The following ZFAND3 variants were observed in gnomAD, a reference collection of about 807,000 sequenced individuals.
The protein encoded by ZFAND3 is AN1-type zinc finger protein 3.
Under a neutral mutation model 29.6 loss-of-function variants are expected in ZFAND3, and 10 were observed. The observed-to-expected ratio is 0.34, with a 90% CI of 0.21 to 0.57. The LOEUF (loss-of-function observed/expected upper bound fraction) is 0.57. ZFAND3 is among the 20% of genes least tolerant of loss of function. The pLI is 0.86. For missense variants in ZFAND3, 230 were observed against 304.5 expected, an observed-to-expected ratio of 0.76 and a Z score of 1.82; for synonymous variants, 128 against 112.6, an observed-to-expected ratio of 1.14 and a Z score of -0.87.
chr6:38,079,384 A>G (rs1192642366), intron 3 of ZFAND3, among the ~76,000 whole-genome samples: 1 of 152,214 alleles, frequency 6.6e-6, no homozygotes, highest in Non-Finnish European at 1.5e-5. Flanking sequence ...CACCTTCATG[A>G]TGATGCATGT....
At chr6:38,032,751 T>C (rs1316290413) in intron 2 of ZFAND3, among the ~76,000 whole-genome samples, 1 of 152,340 alleles carries the variant, frequency 6.6e-6, no homozygotes. Context: ...TTAGCTGAAG[T>C]TGTGCCTGCA....
At chr6:37,957,405 G>A (rs992195530) in intron 2 of ZFAND3, among the ~76,000 whole-genome samples, 2 of 151,256 alleles carry the variant, frequency 1.3e-5, no homozygotes, top group Non-Finnish European at 2.9e-5. Flanking sequence ...GTTTGCACTT[G>A]TTCTTGGTGG....
rs372474740 is a variant in ZFAND3, at chr6:38,061,730, C to T, written c.250C>T (p.Pro84Ser). 6.2e-7 allele frequency: 1 copy of T among 1,614,166 alleles called. No homozygotes were observed. The highest frequency in any genetic ancestry group is 1.7e-5 in the Admixed American group (1 of 60,030). ...TTPTLSPSQQ[P>S]LPTELNVTSP... is the part of the protein sequence containing the mutation. ...GCCAACTCTTAGTCCCAGCCAGCAG[C>T]CGCTTCCGACAGAACTGAATGTAAC... The change falls in exon 3 of 6, where the codon CCG becomes TCG. Residue 84 changes from proline to serine, a missense_variant. Physicochemically the swap from Pro to Ser is moderately conservative, Grantham distance 74. Transcript: ENST00000287218.
intron 2 of ZFAND3, among the ~76,000 whole-genome samples, chr6:38,017,581 C>T (rs72850897): frequency 0.016 from 2,438 of 152,090 alleles, 33 homozygotes; most frequent in Middle Eastern, 0.034. Context: ...AAACAATGTT[C>T]TTAAAGCGGT....
intron 1 of ZFAND3, among the ~76,000 whole-genome samples, chr6:37,878,081 T>G (rs1764826364): frequency 6.6e-6 from 1 of 152,060 alleles, no homozygotes; most frequent in South Asian, 2.1e-4. Context: ...GGAAACAAAT[T>G]TGCAATACAG....
intron 1 of ZFAND3, among the ~76,000 whole-genome samples, chr6:37,880,467 C>G (rs966395175): frequency 2.0e-5 from 3 of 152,070 alleles, no homozygotes; most frequent in Non-Finnish European, 2.9e-5. Context: ...CAGAGATGTC[C>G]TGAAGTTGAC....
intron 1 of ZFAND3, among the ~76,000 whole-genome samples, chr6:37,908,764 A>G (rs1765463894): frequency 6.6e-6 from 1 of 151,010 alleles, no homozygotes; most frequent in African/African-American, 2.4e-5. Flanking sequence ...AAAAAAAGAA[A>G]AGTTTGATCA....
At chr6:37,935,045 G>A (rs975076470) in intron 2 of ZFAND3, among the ~76,000 whole-genome samples, 10 of 152,058 alleles carry the variant, frequency 6.6e-5, no homozygotes, top group South Asian at 2.1e-4. Context: ...AGACTATTGT[G>A]TAGGTAGAGA....
chr6:38,121,945 C>T (rs2127487220), intron 5 of ZFAND3, among the ~76,000 whole-genome samples: 1 of 152,176 alleles, frequency 6.6e-6, no homozygotes, highest in East Asian at 1.9e-4. Flanking sequence ...TGATTCTTGC[C>T]TAAGCCAGTC....
chr6:37,915,069 C>T (rs1761216384), intron 1 of ZFAND3, among the ~76,000 whole-genome samples: 1 of 152,186 alleles, frequency 6.6e-6, no homozygotes, highest in Non-Finnish European at 1.5e-5. Flanking sequence ...ATAACTTGTT[C>T]CAGCTTGTAC....
At chr6:37,929,787 T>C (rs920158412) in intron 1 of ZFAND3, among the ~76,000 whole-genome samples, 172 bp from the exon 2 acceptor site, 5 of 151,876 alleles carry the variant, frequency 3.3e-5, no homozygotes, top group Non-Finnish European at 5.9e-5. Flanking sequence ...ATTTTTATTT[T>C]GTTGAGGGGG....
chr6:37,990,844 C>G (rs1453588484), intron 2 of ZFAND3, among the ~76,000 whole-genome samples: 1 of 152,178 alleles, frequency 6.6e-6, no homozygotes, highest in Non-Finnish European at 1.5e-5. Flanking sequence ...CTTCCTCACC[C>G]TTTCCTCTTG....
At chr6:37,963,186 G>A (rs1397272800) in intron 2 of ZFAND3, among the ~76,000 whole-genome samples, 1 of 152,128 alleles carries the variant, frequency 6.6e-6, no homozygotes, top group Non-Finnish European at 1.5e-5. Flanking sequence ...AACCAATTCC[G>A]GACACATGTA....
chr6:37,973,345 G>A (rs1762423395), intron 2 of ZFAND3, among the ~76,000 whole-genome samples: 1 of 152,144 alleles, frequency 6.6e-6, no homozygotes, highest in South Asian at 2.1e-4. Context: ...ACTTTAAAAA[G>A]CATGGATTCA....
chr6:38,052,923 A>T (rs1420995749), intron 2 of ZFAND3, among the ~76,000 whole-genome samples: 1 of 152,008 alleles, frequency 6.6e-6, no homozygotes, highest in Non-Finnish European at 1.5e-5. Flanking sequence ...AATCCCAGCT[A>T]CTTGGGTGGC....
intron 1 of ZFAND3, among the ~76,000 whole-genome samples, chr6:37,897,907 T>C (rs1413628519): frequency 6.6e-6 from 1 of 152,128 alleles, no homozygotes; most frequent in Non-Finnish European, 1.5e-5. Flanking sequence ...TCTTATTGAT[T>C]TATAGTTCTT....
chr6:38,133,407 T>C (rs1765779693), intron 5 of ZFAND3, among the ~76,000 whole-genome samples: 1 of 152,178 alleles, frequency 6.6e-6, no homozygotes, highest in Admixed American at 6.5e-5. Context: ...GAACAGCTAG[T>C]ATATCCTGGG....
intron 2 of ZFAND3, among the ~76,000 whole-genome samples, chr6:38,005,240 A>G (rs533455259): frequency 2.6e-5 from 4 of 152,282 alleles, no homozygotes; most frequent in East Asian, 1.9e-4. Flanking sequence ...GGCATATTCT[A>G]TATCTCTACT....
At chr6:38,028,152 C>G (rs1256616906) in intron 2 of ZFAND3, among the ~76,000 whole-genome samples, 1 of 152,142 alleles carries the variant, frequency 6.6e-6, no homozygotes, top group East Asian at 1.9e-4. Flanking sequence ...CAAGAACAGG[C>G]TAAAGCACTT....
Sources: gnomAD v4.1 joint callset for allele counts (sites outside exome capture counted in the v4.1 genomes callset) on GRCh38, gnomAD v4.1.1 for gene constraint, MANE v1.5 for transcripts, NCBI Gene and HGNC (gene_info 2026-07-23, HGNC 2026-07-21) for gene names.